Variants in NEGR1 observed in about 807,000 individuals in gnomAD.
The protein encoded by NEGR1 is IgLON family member 4.
NEGR1 carries 10 observed loss-of-function variants against 40.9 expected under a neutral mutation model. The observed-to-expected ratio is 0.24, with a 90% CI of 0.15 to 0.42. NEGR1 has a LOEUF of 0.42. Ranked by LOEUF, NEGR1 falls within the 10% of genes least tolerant of loss-of-function variation. The pLI is 1.00. For synonymous variants in NEGR1, 185 were observed against 166.8 expected (o/e 1.11, Z -0.84); for missense variants, 352 against 438.9 (o/e 0.80, Z 1.77).
intron 2 of NEGR1, among the ~76,000 whole-genome samples, chr1:71,872,310 T>C (rs1246332360): frequency 6.6e-6 from 1 of 152,162 alleles, no homozygotes. Flanking sequence ...CAGTCTTTAG[T>C]TTTAGGTTTT....
chr1:71,411,829 G>A (rs1557517228), intron 6 of NEGR1, among the ~76,000 whole-genome samples: 1 of 151,918 alleles, frequency 6.6e-6, no homozygotes, highest in Non-Finnish European at 1.5e-5. Context: ...GCGAAACCCC[G>A]CCTCTACTAA....
chr1:71,673,791 A>G (rs1359539696), intron 4 of NEGR1, among the ~76,000 whole-genome samples: 1 of 42,816 alleles, frequency 2.3e-5, no homozygotes, highest in Non-Finnish European at 5.1e-5. Flanking sequence ...ATTTATTTCC[A>G]TTAATGATAT....
chr1:71,666,162 C>T (rs1355706048), intron 4 of NEGR1, among the ~76,000 whole-genome samples: 1 of 152,144 alleles, frequency 6.6e-6, no homozygotes, highest in Non-Finnish European at 1.5e-5. Flanking sequence ...TTTTCTAAAA[C>T]TTACCATCAC....
chr1:71,568,713 T>C (rs1270403889), intron 6 of NEGR1, among the ~76,000 whole-genome samples: 1 of 152,094 alleles, frequency 6.6e-6, no homozygotes, highest in Non-Finnish European at 1.5e-5. Context: ...GGTGTATATA[T>C]ATCTACATAT....
At chr1:71,848,210 C>T (rs560090935) in intron 2 of NEGR1, among the ~76,000 whole-genome samples, 1 of 152,276 alleles carries the variant, frequency 6.6e-6, no homozygotes, top group South Asian at 2.1e-4. Flanking sequence ...CATAAAATTG[C>T]AAGGTGCAGC....
chr1:71,823,784 A>ATT, intron 2 of NEGR1, among the ~76,000 whole-genome samples: 1 of 152,208 alleles, frequency 6.6e-6, no homozygotes, highest in East Asian at 1.9e-4. Context: ...ATGATAGCAG[A>ATT]TTTACCACCT....
chr1:72,116,778 T>C (rs1319312474), intron 1 of NEGR1, among the ~76,000 whole-genome samples: 3 of 151,830 alleles, frequency 2.0e-5, no homozygotes, highest in Admixed American at 6.6e-5. Flanking sequence ...TGTAAAAGTG[T>C]TTACATTATT....
chr1:71,791,229 T>C (rs769654479), intron 2 of NEGR1, among the ~76,000 whole-genome samples: 8 of 152,078 alleles, frequency 5.3e-5, no homozygotes, highest in Non-Finnish European at 1.0e-4. Flanking sequence ...ATATTCATTA[T>C]TAAAATTAAA....
At chr1:72,103,870 G>A (rs1012637019) in intron 1 of NEGR1, among the ~76,000 whole-genome samples, 1 of 152,046 alleles carries the variant, frequency 6.6e-6, no homozygotes, top group Non-Finnish European at 1.5e-5. Context: ...TCTCTGGATC[G>A]AGTAGATTAT....
intron 6 of NEGR1, among the ~76,000 whole-genome samples, chr1:71,590,523 CG>C (rs1325510842): frequency 6.6e-6 from 1 of 151,780 alleles, no homozygotes; most frequent in African/African-American, 2.4e-5. Context: ...CGTGCTTTGC[CG>C]GGTGTAGGCA....
intron 1 of NEGR1, among the ~76,000 whole-genome samples, chr1:71,977,387 C>T (rs931521598): frequency 6.6e-6 from 1 of 151,902 alleles, no homozygotes; most frequent in African/African-American, 2.4e-5. Flanking sequence ...CTAGAAAGTG[C>T]CTGCTTGTCC....
intron 1 of NEGR1, among the ~76,000 whole-genome samples, chr1:71,964,957 A>C (rs1490671786): frequency 2.6e-5 from 4 of 152,076 alleles, no homozygotes; most frequent in African/African-American, 9.7e-5. Flanking sequence ...CCAGATGATA[A>C]TCAATAATTG....
intron 1 of NEGR1, among the ~76,000 whole-genome samples, chr1:72,233,479 T>C (rs997522470): frequency 4.3e-4 from 65 of 152,196 alleles, no homozygotes; most frequent in African/African-American, 1.4e-3. Flanking sequence ...CCAGTGTCTA[T>C]TGTTCCTGTC....
intron 1 of NEGR1, among the ~76,000 whole-genome samples, chr1:72,108,563 T>A (rs376636139): frequency 1.3e-5 from 2 of 151,632 alleles, no homozygotes; most frequent in East Asian, 1.9e-4. Context: ...AATAAATATA[T>A]CATTGCAATG....
rs557279751 is a variant in NEGR1 at position 72,059,256 on chromosome 1, T to C, written c.177-123945A>G. On this transcript the variant is annotated intron_variant, in intron 1 of 6. Transcript: ENST00000357731. ...AGTTTTAAGCCCCAGGATTAAGGAT[T>C]ATGTGCATCCAACGCCACAAAGTTC... Among the ~76,000 whole-genome samples the C allele has an allele frequency of 4.0e-5, 6 of 151,682 alleles. No homozygotes were observed. In the South Asian group the frequency reaches 1.2e-3, roughly 31 times the overall value.
rs140145315 is a variant in NEGR1, at chr1:71,780,904, G to A, written c.410-4607C>T. On this transcript the variant is annotated intron_variant, in intron 2 of 6. Transcript: ENST00000357731. The stretch of plus-strand genomic sequence containing the variant: ...CCCATCTGTGGGTGTCTTCAGGCCA[G>A]GTATGAGTCACTTTCAGTAAGAAAA... 2.1e-3 allele frequency among the ~76,000 whole-genome samples: 316 copies of A among 152,252 alleles called. 2 individuals carry two copies. The highest frequency in any genetic ancestry group is 7.3e-3 in the African/African-American group (304 of 41,544).
At chr1:71,728,145 G>C (rs1654733593) in intron 3 of NEGR1, among the ~76,000 whole-genome samples, 1 of 152,134 alleles carries the variant, frequency 6.6e-6, no homozygotes, top group Non-Finnish European at 1.5e-5. Flanking sequence ...GAATTATCCA[G>C]TCAAAAAGGA....
Position 72,192,729 on chromosome 1 carries a change from T to C in NEGR1, c.176+89590A>G, listed in dbSNP as rs181860289. Among the ~76,000 whole-genome samples the C allele has an allele frequency of 6.6e-5, 10 of 151,998 alleles. No homozygotes were observed. The East Asian group carries it at 1.9e-3, about 30-fold the overall frequency. On this transcript the variant is annotated intron_variant, in intron 1 of 6. Coordinates refer to ENST00000357731, the MANE Select transcript of NEGR1 (RefSeq NM_173808.3). ...ATATTGCCAGATTAGAATGGTGGGC[T>C]TCTTCTAGATGTTATTTTACCTACC...
chr1:72,036,450 G>A (rs1456258309), intron 1 of NEGR1, among the ~76,000 whole-genome samples: 1 of 152,018 alleles, frequency 6.6e-6, no homozygotes, highest in Non-Finnish European at 1.5e-5. Context: ...AAGGTCAGGA[G>A]TTCGAGACCA....
Sources: allele counts gnomAD v4.1 joint callset (sites outside exome capture counted in the v4.1 genomes callset), GRCh38; gene constraint gnomAD v4.1.1; transcripts MANE v1.5; gene names NCBI Gene and HGNC (gene_info 2026-07-23, HGNC 2026-07-21).